MAN2A1: variants seen among roughly 807,000 people sequenced by gnomAD.
MAN2A1 encodes the protein alpha-mannosidase 2.
MAN2A1 carries 76 observed loss-of-function variants against 142.6 expected under a neutral mutation model. That is an observed-to-expected ratio of 0.53 (90% CI 0.44 to 0.65). The LOEUF is 0.65. Among genes scored for constraint, MAN2A1 ranks in the 30% least tolerant of loss-of-function variants. MAN2A1 has a pLI of 0.00. For synonymous variants in MAN2A1, 559 were observed against 473.2 expected, an observed-to-expected ratio of 1.18 and a Z score of -2.35; for missense variants, 1,311 against 1,365.1, an observed-to-expected ratio of 0.96 and a Z score of 0.62.
chr5:109,779,640 G>C (rs1045168816), intron 8 of MAN2A1, among the ~76,000 whole-genome samples: 1 of 151,694 alleles, frequency 6.6e-6, no homozygotes, highest in Non-Finnish European at 1.5e-5. Context: ...CTTAGTGTTA[G>C]CTAAAACATA....
At chr5:109,747,328 G>A (rs1431879955) in intron 4 of MAN2A1, among the ~76,000 whole-genome samples, 1 of 152,016 alleles carries the variant, frequency 6.6e-6, no homozygotes. Context: ...TTCTGTATGT[G>A]TGCTTCTTGT....
chr5:109,859,048 G>C (rs979296277), intron 20 of MAN2A1, among the ~76,000 whole-genome samples: 1 of 152,166 alleles, frequency 6.6e-6, no homozygotes, highest in African/African-American at 2.4e-5. Context: ...CTGGGGAGGA[G>C]AGCCTAGGAA....
intron 19 of MAN2A1, among the ~76,000 whole-genome samples, chr5:109,849,239 C>G (rs1256960481): frequency 6.6e-6 from 1 of 152,168 alleles, no homozygotes; most frequent in African/African-American, 2.4e-5. Context: ...TCTTCTACTC[C>G]TCTGGTTTTG....
chr5:109,767,767 T>C (rs927004988), intron 6 of MAN2A1, 59 bp downstream of exon 6: 38 of 1,404,672 alleles, frequency 2.7e-5, no homozygotes, highest in Non-Finnish European at 3.6e-5. Flanking sequence ...TCACAAGGGT[T>C]ATGAACTCAT....
chr5:109,847,168 A>C (rs1288154384), intron 18 of MAN2A1, among the ~76,000 whole-genome samples: 2 of 152,154 alleles, frequency 1.3e-5, no homozygotes, highest in African/African-American at 2.4e-5. Flanking sequence ...CACTGCCTTA[A>C]ATTCTCAAAG....
intron 4 of MAN2A1, among the ~76,000 whole-genome samples, chr5:109,734,408 G>C (rs1335899578): frequency 2.0e-5 from 3 of 151,086 alleles, no homozygotes; most frequent in African/African-American, 7.3e-5. Flanking sequence ...CTTGCCTTCT[G>C]CTAGCTTTTG....
At chr5:109,848,099 A>G (rs971965197) in intron 19 of MAN2A1, among the ~76,000 whole-genome samples, 9 of 152,236 alleles carry the variant, frequency 5.9e-5, no homozygotes, top group African/African-American at 1.9e-4. Flanking sequence ...GAGCTAAATA[A>G]AAGTTAAAGA....
chr5:109,846,416 T>C (rs566019886), intron 18 of MAN2A1, among the ~76,000 whole-genome samples: 1 of 152,292 alleles, frequency 6.6e-6, no homozygotes, highest in East Asian at 1.9e-4. Flanking sequence ...AATCATGGTC[T>C]TTCTATTCTG....
At position 109,788,924 on chromosome 5, in the gene MAN2A1, T is replaced by C. The variant is rs753688689; in HGVS notation, c.1761-10T>C. 8 of 1,300,074 alleles carry C rather than the reference T, an allele frequency of 6.2e-6. No individual in the cohort carries two copies. In the East Asian group the frequency reaches 1.9e-4, roughly 30 times the overall value. The allele number at this position is 1,300,074 out of a possible 1,614,324, so 80.5% of individuals were successfully genotyped here. On this transcript the variant is annotated splice_polypyrimidine_tract_variant and intron_variant, in intron 10 of 21. Transcript: ENST00000261483. ...TTGTTTCTCAGACTAATAAAATTTTTGATTTACAGACTTTTTCATTCGTTA... is the reference window on the plus strand; with the variant it reads ...TTGTTTCTCAGACTAATAAAATTTTCGATTTACAGACTTTTTCATTCGTTA...
chr5:109,865,999 A>G (rs1179995777), intron 21 of MAN2A1, among the ~76,000 whole-genome samples: 1 of 152,168 alleles, frequency 6.6e-6, no homozygotes, highest in Non-Finnish European at 1.5e-5. Context: ...CAAGTGATTC[A>G]GTTCCAACCC....
chr5:109,773,243 A>G (rs988023334), intron 7 of MAN2A1, among the ~76,000 whole-genome samples: 1 of 152,154 alleles, frequency 6.6e-6, no homozygotes, highest in Non-Finnish European at 1.5e-5. Context: ...CAGTGTTGAC[A>G]CTTTCTGGAC....
At chr5:109,820,375 A>G (rs1348534979) in intron 15 of MAN2A1, 33 bp downstream of exon 15, 1 of 1,577,316 alleles carries the variant, frequency 6.3e-7, no homozygotes, top group Non-Finnish European at 8.6e-7. Context: ...CAAATGGAAT[A>G]AACACTTATT....
intron 4 of MAN2A1, among the ~76,000 whole-genome samples, chr5:109,741,990 G>C (rs17162128): frequency 0.1 from 15,662 of 151,820 alleles, 1,119 homozygotes; most frequent in African/African-American, 0.21. Context: ...AACTTTTTAG[G>C]CTTCACATTT....
chr5:109,860,714 G>T lies in MAN2A1; in HGVS notation c.3172-4322G>T, dbSNP rs77107821. Among the ~76,000 whole-genome samples, 1,053 of 152,314 alleles carry T rather than the reference G, an allele frequency of 6.9e-3. 10 individuals carry two copies. Among genetic ancestry groups the T allele is most frequent in the African/African-American group, 0.024 (996 of 41,570 alleles). On this transcript the variant is annotated intron_variant, in intron 20 of 21. Transcript: ENST00000261483. ...TATTCACCTGCTTTTTTCCTTAAAA[G>T]AGACTGTCATGTGTGTATAATTTTC... is the stretch of plus-strand genomic sequence containing the variant.
intron 4 of MAN2A1, among the ~76,000 whole-genome samples, chr5:109,752,864 T>G (rs1752584713): frequency 6.6e-6 from 1 of 152,172 alleles, no homozygotes; most frequent in African/African-American, 2.4e-5. Flanking sequence ...AATGGATTAT[T>G]AACAAATGGA....
intron 1 of MAN2A1, among the ~76,000 whole-genome samples, chr5:109,691,821 A>G (rs542828356): frequency 2.0e-4 from 30 of 152,346 alleles, no homozygotes; most frequent in Non-Finnish European, 3.7e-4. Context: ...AATAGAAACA[A>G]GCACTGAGGG....
At chr5:109,822,115 C>G (rs1327069131) in intron 15 of MAN2A1, among the ~76,000 whole-genome samples, 1 of 146,700 alleles carries the variant, frequency 6.8e-6, no homozygotes, top group Non-Finnish European at 1.5e-5. Context: ...AGTAAGGACT[C>G]TAGGTTTTTT....
At chr5:109,729,231 T>C (rs1223881388) in intron 3 of MAN2A1, 111 bp from the exon 4 acceptor site, 1 of 603,818 alleles carries the variant, frequency 1.7e-6, no homozygotes, top group Non-Finnish European at 2.8e-6. Context: ...TTTAAAAATA[T>C]GTCTATGAAT....
intron 12 of MAN2A1, among the ~76,000 whole-genome samples, chr5:109,793,594 T>A (rs1753789071): frequency 6.6e-6 from 1 of 152,096 alleles, no homozygotes; most frequent in Admixed American, 6.6e-5. Context: ...TGCTTCTAAG[T>A]AAACTTTAAG....
Sources: allele counts gnomAD v4.1 joint callset (sites outside exome capture counted in the v4.1 genomes callset), GRCh38; gene constraint gnomAD v4.1.1; transcripts MANE v1.5; gene names NCBI Gene and HGNC (gene_info 2026-07-23, HGNC 2026-07-21).